CDH1: variants seen among roughly 807,000 people sequenced by gnomAD.
CDH1 encodes cadherin 1.
CDH1 carries 35 observed loss-of-function variants against 84.5 expected under a neutral mutation model. That is an observed-to-expected ratio of 0.41 (90% CI 0.32 to 0.55). The LOEUF (loss-of-function observed/expected upper bound fraction) is 0.55. Ranked by LOEUF, CDH1 falls within the 20% of genes least tolerant of loss-of-function variation. The pLI, the probability that CDH1 is intolerant of heterozygous loss-of-function variation, is 0.19. For synonymous variants in CDH1, 417 were observed against 439.0 expected (o/e 0.95, Z 0.63); for missense variants, 994 against 1,126.6 (o/e 0.88, Z 1.68).
At chr16:68,775,370 T>C (rs13339591) in intron 2 of CDH1, among the ~76,000 whole-genome samples, 44,568 of 151,954 alleles carry the variant, frequency 0.29, 6,606 homozygotes, top group Middle Eastern at 0.34. Flanking sequence ...TGGCAAATAT[T>C]CCCAACCATG....
chr16:68,799,828 C>T (rs1960449885), intron 2 of CDH1, among the ~76,000 whole-genome samples: 2 of 151,950 alleles, frequency 1.3e-5, no homozygotes, highest in East Asian at 1.9e-4. Flanking sequence ...GCCTGGACAA[C>T]ATGGTGAAAC....
intron 2 of CDH1, among the ~76,000 whole-genome samples, chr16:68,786,306 G>A (rs747229393): frequency 3.3e-5 from 5 of 151,894 alleles, no homozygotes; most frequent in Non-Finnish European, 5.9e-5. Context: ...CAAGTAGCTG[G>A]GATTACAGGT....
At position 68,812,267 on chromosome 16, in the gene CDH1, A is replaced by C. The variant is rs967063432; in HGVS notation, c.1137+4A>C. On this transcript the variant is annotated splice_donor_region_variant and intron_variant, in intron 8 of 15. Coordinates refer to ENST00000261769, the MANE Select transcript of CDH1 (RefSeq NM_004360.5). The stretch of plus-strand genomic sequence containing the variant: ...TCCGATCTTCAATCCCACCACGGTA[A>C]TTCTATAACTCCTTAGAGGGTTTCC... 2 of 1,614,032 alleles carry C rather than the reference A, an allele frequency of 1.2e-6. No individual in the cohort carries two copies. The highest frequency in any genetic ancestry group is 1.7e-6 in the Non-Finnish European group (2 of 1,179,902).
At chr16:68,773,371 A>G (rs963212390) in intron 2 of CDH1, among the ~76,000 whole-genome samples, 1 of 148,468 alleles carries the variant, frequency 6.7e-6, no homozygotes, top group Non-Finnish European at 1.5e-5. Flanking sequence ...ATCTTGGCTC[A>G]CTGCAACTTC....
chr16:68,804,389 A>G (rs1341174052), intron 3 of CDH1, among the ~76,000 whole-genome samples: 1 of 152,064 alleles, frequency 6.6e-6, no homozygotes, highest in East Asian at 1.9e-4. Flanking sequence ...CTGGGATTAC[A>G]GGTGTGAGCC....
intron 3 of CDH1, among the ~76,000 whole-genome samples, chr16:68,802,268 T>C (rs927915831): frequency 2.6e-5 from 4 of 152,250 alleles, no homozygotes; most frequent in African/African-American, 7.2e-5. Flanking sequence ...TCAGCCGTGC[T>C]ATTTACTACT....
At chr16:68,753,816 TAAAAA>T (rs944204253) in intron 2 of CDH1, among the ~76,000 whole-genome samples, 1 of 151,528 alleles carries the variant, frequency 6.6e-6, no homozygotes, top group East Asian at 1.9e-4. Flanking sequence ...GAGACATACT[TAAAAA>T]AAAATTATTT....
At chr16:68,763,245 C>G (rs1048345917) in intron 2 of CDH1, 2 of 152,192 alleles carry the variant, frequency 1.3e-5, no homozygotes, top group Non-Finnish European at 2.9e-5. Flanking sequence ...TCCCCACTCC[C>G]TACAATGTGT....
rs1285099283 is a variant in CDH1 at position 68,745,549 on chromosome 16, A to ATATATATATATATATATGTAT, written c.163+7138_163+7139insTATATATATATATATATGTAT. Among the ~76,000 whole-genome samples the ATATATATATATATATATGTAT allele has an allele frequency of 4.0e-4, 30 of 75,188 alleles. 1 individual carries two copies. Among genetic ancestry groups the ATATATATATATATATATGTAT allele is most frequent in the African/African-American group, 1.4e-3 (25 of 18,086 alleles). 49.3% of individuals were successfully genotyped at this position (75,188 alleles called of 152,430 possible). On this transcript the variant is annotated intron_variant, in intron 2 of 15. Transcript: ENST00000261769. ...ATCCTGTCTCAAAAAAAAAAAAAAAAATATATATATATATGTATATATATA... is the reference window on the plus strand; with the variant it reads ...ATCCTGTCTCAAAAAAAAAAAAAAAATATATATATATATATATGTATATATATATATATATGTATATATATA...
intron 13 of CDH1, among the ~76,000 whole-genome samples, chr16:68,826,164 TA>T (rs1037828600): frequency 4.4e-4 from 67 of 152,040 alleles, no homozygotes; most frequent in African/African-American, 1.6e-3. Context: ...ATTTTTTTTT[TA>T]AATAGGATTA....
At chr16:68,751,526 G>A (rs1296453678) in intron 2 of CDH1, among the ~76,000 whole-genome samples, 2 of 133,486 alleles carry the variant, frequency 1.5e-5, no homozygotes, top group African/African-American at 6.0e-5. Context: ...ATTTAGAGAC[G>A]GAGTCTCACT....
rs189254840 is a variant in CDH1, at chr16:68,755,672, C to A, written c.163+17261C>A. On this transcript the variant is annotated intron_variant, in intron 2 of 15. Transcript: ENST00000261769. ...CATCTCCTTTAAAGGGTATCAGATT[C>A]AAACCAGGAAATAATGCTCATTCCA... Among the ~76,000 whole-genome samples, 253 of 152,106 alleles carry A rather than the reference C, an allele frequency of 1.7e-3. 4 individuals are homozygous for A. The highest frequency in any genetic ancestry group is 0.015 in the Admixed American group (226 of 15,260).
Position 68,815,718 on chromosome 16 carries a change from C to T in CDH1, c.1524C>T (p.Tyr508=), listed in dbSNP as rs786201302. Residue 508 remains tyrosine, a synonymous_variant, in exon 10 of 16, where the codon TAC becomes TAT. Transcript: ENST00000261769. ...DFGVGQEITS[Y]TAQEPDTFME... ...GCGTGGGCCAGGAAATCACATCCTA[C>T]ACTGCCCAGGAGCCAGACACATTTA... 6.2e-7 allele frequency: 1 copy of T among 1,614,246 alleles called. No homozygotes were observed. The highest frequency in any genetic ancestry group is 8.5e-7 in the Non-Finnish European group (1 of 1,180,050).
In CDH1 at chr16:68,811,131, T is replaced by C. The variant is rs116625681; in HGVS notation, c.833-553T>C. On this transcript the variant is annotated intron_variant, in intron 6 of 15. Coordinates refer to ENST00000261769, the MANE Select transcript of CDH1 (RefSeq NM_004360.5). Reference sequence around the variant, plus strand: ...CCACACCCTAGGCTGGGTGTGGTGGTTCACACCTGTAACCCCAGCACTTTG... The same window carrying C: ...CCACACCCTAGGCTGGGTGTGGTGGCTCACACCTGTAACCCCAGCACTTTG... Among the ~76,000 whole-genome samples, 722 of 151,098 alleles carry C rather than the reference T, an allele frequency of 4.8e-3. 4 individuals carry two copies. The highest frequency in any genetic ancestry group is 0.017 in the African/African-American group (689 of 41,188).
intron 2 of CDH1, among the ~76,000 whole-genome samples, chr16:68,741,353 C>T (rs546519188): frequency 9.9e-5 from 15 of 152,162 alleles, no homozygotes; most frequent in African/African-American, 3.4e-4. Context: ...TTTAAAAGGC[C>T]GCTAGGACTT....
rs1310934198 is a variant in CDH1 at position 68,737,435 on chromosome 16, G to C, written c.20G>C (p.Ser7Thr). The change falls in exon 1 of 16, where the codon AGC becomes ACC. Residue 7 changes from serine to threonine, a missense_variant. By Grantham distance (58) the Ser-to-Thr change is moderately conservative. Coordinates refer to ENST00000261769, the MANE Select transcript of CDH1 (RefSeq NM_004360.5). The part of the protein sequence containing the change: MGPWSR[S>T]LSALLLLLQV... ...CCAGCCATGGGCCCTTGGAGCCGCA[G>C]CCTCTCGGCGCTGCTGCTGCTGCTG... 6.5e-7 allele frequency: 1 copy of C among 1,535,066 alleles called. No individual in the cohort carries two copies. The highest frequency in any genetic ancestry group is 8.7e-7 in the Non-Finnish European group (1 of 1,147,176).
intron 2 of CDH1, among the ~76,000 whole-genome samples, chr16:68,790,963 C>A (rs117107375): frequency 2.3e-3 from 357 of 152,274 alleles, no homozygotes; most frequent in Middle Eastern, 6.8e-3. Flanking sequence ...TCCCTTCTGG[C>A]CTTGTTGTCA....
intron 2 of CDH1, among the ~76,000 whole-genome samples, chr16:68,774,877 G>A (rs1370472517): frequency 6.6e-6 from 1 of 152,140 alleles, no homozygotes; most frequent in South Asian, 2.1e-4. Context: ...ATAAATCCAC[G>A]TGGTTAGTTT....
intron 1 of CDH1, among the ~76,000 whole-genome samples, chr16:68,737,778 T>G (rs1962440785): frequency 2.1e-5 from 3 of 145,346 alleles, no homozygotes; most frequent in East Asian, 2.1e-4. Context: ...GGGGGTGGGG[T>G]GTGGAGAAGG....
Sources: allele counts gnomAD v4.1 joint callset (sites outside exome capture counted in the v4.1 genomes callset), GRCh38; gene constraint gnomAD v4.1.1; transcripts MANE v1.5; gene names NCBI Gene and HGNC (gene_info 2026-07-23, HGNC 2026-07-21).